ESRRG: variants seen among roughly 807,000 people sequenced by gnomAD.
ESRRG encodes estrogen-related receptor gamma.
Under a neutral mutation model 44.0 loss-of-function variants are expected in ESRRG, and 13 were observed. The ratio of observed to expected loss-of-function variants is 0.30; its 90% CI spans 0.19 to 0.47. The LOEUF (loss-of-function observed/expected upper bound fraction) is 0.47, where lower values mean the gene tolerates loss of function less well. ESRRG is among the 20% of genes least tolerant of loss of function. The probability of loss-of-function intolerance (pLI) is 1.00; values close to 1 mark genes in which losing one functional copy is unlikely to be tolerated. For missense variants in ESRRG, 395 were observed against 580.6 expected, an observed-to-expected ratio of 0.68 and a Z score of 3.29; for synonymous variants, 215 against 214.6, an observed-to-expected ratio of 1.00 and a Z score of -0.02.
At position 216,679,700 on chromosome 1, in the gene ESRRG, T is replaced by A. The variant is rs558451650; in HGVS notation, c.57-2209A>T. On this transcript the variant is annotated intron_variant, in intron 1 of 6. Coordinates refer to ENST00000408911, the MANE Select transcript of ESRRG (RefSeq NM_001438.4). ...TTGATCTTCAGACCCTCTTTTTAAA[T>A]TTTTTTTCCCTCTCTCTCTTTTCCT... Among the ~76,000 whole-genome samples the A allele has an allele frequency of 5.6e-5, 8 of 142,780 alleles. No homozygotes were observed. In the East Asian group the frequency reaches 9.7e-4, roughly 17 times the overall value. The allele number at this position is 142,780 out of a possible 152,430, so 93.7% of individuals were successfully genotyped here.
At chr1:216,608,354 A>T (rs1244298011) in intron 3 of ESRRG, among the ~76,000 whole-genome samples, 1 of 152,140 alleles carries the variant, frequency 6.6e-6, no homozygotes, top group East Asian at 1.9e-4. Flanking sequence ...TTTTGGGGCA[A>T]ATATTTAATA....
intron 5 of ESRRG, among the ~76,000 whole-genome samples, chr1:216,523,542 C>T (rs115392934): frequency 6.9e-6 from 1 of 145,854 alleles, no homozygotes; most frequent in African/African-American, 2.5e-5. Flanking sequence ...ATGCACTTTG[C>T]AGTCAACTTA....
At chr1:216,567,443 C>G (rs1325638356) in intron 4 of ESRRG, among the ~76,000 whole-genome samples, 2 of 152,078 alleles carry the variant, frequency 1.3e-5, no homozygotes, top group Non-Finnish European at 2.9e-5. Context: ...GAACCAGCCA[C>G]CTATGCTTGT....
chr1:216,716,678 A>G (rs1468961035), intron 1 of ESRRG, among the ~76,000 whole-genome samples: 1 of 151,998 alleles, frequency 6.6e-6, no homozygotes, highest in African/African-American at 2.4e-5. Context: ...TAATTAAAAT[A>G]TAAATGTACT....
At chr1:216,938,499 C>A (rs1053581195) in intron 2 of ESRRG, among the ~76,000 whole-genome samples, 2 of 152,182 alleles carry the variant, frequency 1.3e-5, no homozygotes, top group African/African-American at 4.8e-5. Flanking sequence ...AACATGAAAA[C>A]ATATTCTCCC....
At chr1:217,094,998 C>T (rs1025678769) in intron 1 of ESRRG, among the ~76,000 whole-genome samples, 1 of 152,034 alleles carries the variant, frequency 6.6e-6, no homozygotes, top group African/African-American at 2.4e-5. Flanking sequence ...AATTAAGAAA[C>T]TCTTGAAGTT....
chr1:217,134,767 T>G (rs1317610784), intron 1 of ESRRG, among the ~76,000 whole-genome samples: 1 of 152,248 alleles, frequency 6.6e-6, no homozygotes, highest in Non-Finnish European at 1.5e-5. Context: ...GCCAGCCTGC[T>G]GTGGTCCCGT....
chr1:217,080,653 G>GT (rs1441656500), intron 1 of ESRRG, among the ~76,000 whole-genome samples: 2 of 90,458 alleles, frequency 2.2e-5, no homozygotes, highest in South Asian at 3.3e-4. Context: ...TTGTTTGTTT[G>GT]TTTGTTTTGT....
chr1:216,897,480 G>A (rs891059627), intron 2 of ESRRG, among the ~76,000 whole-genome samples: 3 of 152,094 alleles, frequency 2.0e-5, no homozygotes, highest in African/African-American at 4.8e-5. Flanking sequence ...AATGTTAAAA[G>A]CACACATATT....
chr1:217,028,575 A>C (rs923994873), intron 1 of ESRRG, among the ~76,000 whole-genome samples: 2 of 152,166 alleles, frequency 1.3e-5, no homozygotes, highest in African/African-American at 4.8e-5. Flanking sequence ...GTTCAATTTT[A>C]TGTCTTTGGG....
intron 2 of ESRRG, among the ~76,000 whole-genome samples, chr1:216,844,272 C>T (rs982085790): frequency 6.6e-6 from 1 of 152,040 alleles, no homozygotes; most frequent in African/African-American, 2.4e-5. Flanking sequence ...TAAGGAAGAA[C>T]TAAATAGGTG....
At chr1:216,788,792 T>C (rs929981064) in intron 2 of ESRRG, among the ~76,000 whole-genome samples, 4 of 152,160 alleles carry the variant, frequency 2.6e-5, no homozygotes, top group Non-Finnish European at 4.4e-5. Context: ...TTGTAATTTA[T>C]GGGAGGAGGT....
At chr1:217,078,248 G>C (rs534362632) in intron 1 of ESRRG, 1 of 152,224 alleles carries the variant, frequency 6.6e-6, no homozygotes, top group African/African-American at 2.4e-5. Context: ...AGAGCACAGT[G>C]CTAAATCTGA....
rs371601316 is a variant in ESRRG at position 217,131,657 on chromosome 1, C to G, written c.-230+6010G>C. Among the ~76,000 whole-genome samples the G allele has an allele frequency of 8.5e-5, 13 of 152,270 alleles. No individual in the cohort carries two copies. The East Asian group carries it at 1.7e-3, about 20-fold the overall frequency. On this transcript the variant is annotated intron_variant, in intron 1 of 8. Coordinates refer to the ESRRG transcript ENST00000366940. The stretch of plus-strand genomic sequence containing the variant: ...CGCAGAAGACTTTGGAGGTTGTATA[C>G]GTATTCAGTGGTCAACTTCTAAAAA...
chr1:216,596,086 C>G (rs1376383079), intron 3 of ESRRG, among the ~76,000 whole-genome samples: 1 of 152,172 alleles, frequency 6.6e-6, no homozygotes, highest in Non-Finnish European at 1.5e-5. Context: ...TCCCTGGGGT[C>G]AACTGGCTCA....
chr1:217,077,899 A>G (rs2091451553), intron 1 of ESRRG, among the ~76,000 whole-genome samples: 1 of 152,220 alleles, frequency 6.6e-6, no homozygotes, highest in African/African-American at 2.4e-5. Context: ...ATTGTCCCAC[A>G]AGTCACATCT....
chr1:216,860,502 G>T (rs1423742053), intron 2 of ESRRG, among the ~76,000 whole-genome samples: 1 of 151,898 alleles, frequency 6.6e-6, no homozygotes, highest in African/African-American at 2.4e-5. Context: ...CTTAAAAGTA[G>T]CCAGAGACAG....
At chr1:217,121,975 C>T (rs1460189765) in intron 1 of ESRRG, among the ~76,000 whole-genome samples, 1 of 152,144 alleles carries the variant, frequency 6.6e-6, no homozygotes, top group Non-Finnish European at 1.5e-5. Flanking sequence ...AAGGAAATTG[C>T]TTGTCCTGAA....
At chr1:216,527,407 A>T (rs1244221397) in intron 5 of ESRRG, among the ~76,000 whole-genome samples, 1 of 151,990 alleles carries the variant, frequency 6.6e-6, no homozygotes, top group Non-Finnish European at 1.5e-5. Flanking sequence ...AACCTATGCC[A>T]TTCCCTCATC....
Sources: gnomAD v4.1 joint callset for allele counts (sites outside exome capture counted in the v4.1 genomes callset) on GRCh38, gnomAD v4.1.1 for gene constraint, MANE v1.5 for transcripts, NCBI Gene and HGNC (gene_info 2026-07-23, HGNC 2026-07-21) for gene names.